The following DGLUCY variants were observed in gnomAD, a reference collection of about 807,000 sequenced individuals.
DGLUCY encodes D-glutamate cyclase, also known as D-glutamate cyclase, mitochondrial.
A neutral mutation model predicts 58.5 loss-of-function variants in DGLUCY; 58 were observed. The ratio of observed to expected loss-of-function variants is 0.99; its 90% CI spans 0.80 to 1.23. The LOEUF (loss-of-function observed/expected upper bound fraction) is 1.23, where lower values mean the gene tolerates loss of function less well. Ranked by LOEUF, DGLUCY falls within the 50% of genes most tolerant of loss-of-function variation. The pLI is 0.00. For synonymous variants in DGLUCY, 325 were observed against 314.1 expected, an observed-to-expected ratio of 1.03 and a Z score of -0.37; for missense variants, 779 against 784.7, an observed-to-expected ratio of 0.99 and a Z score of 0.09.
intron 1 of DGLUCY, among the ~76,000 whole-genome samples, chr14:91,157,293 AGATG>A (rs2047715046): frequency 1.6e-5 from 2 of 126,960 alleles, no homozygotes; most frequent in Admixed American, 7.8e-5. Context: ...GTGGGTGGAT[AGATG>A]GATGGATGAA....
chr14:91,203,215 T>C (rs764588526), intron 11 of DGLUCY, among the ~76,000 whole-genome samples: 16 of 152,248 alleles, frequency 1.1e-4, no homozygotes, highest in Non-Finnish European at 1.8e-4. Flanking sequence ...TTGGGTGTTA[T>C]TCTCCTCATT....
chr14:91,144,971 G>A (rs2046936187), intron 1 of DGLUCY, among the ~76,000 whole-genome samples: 1 of 152,108 alleles, frequency 6.6e-6, no homozygotes, highest in African/African-American at 2.4e-5. Flanking sequence ...GAGTCTGGGA[G>A]TTTTAGTGCA....
intron 12 of DGLUCY, among the ~76,000 whole-genome samples, chr14:91,206,269 A>C (rs1352470769): frequency 6.6e-6 from 1 of 152,184 alleles, no homozygotes; most frequent in Non-Finnish European, 1.5e-5. Context: ...AGTGAAGTTC[A>C]CAGTCCAGGG....
chr14:91,155,082 C>T lies in DGLUCY; in HGVS notation c.-81-2557C>T, dbSNP rs201757427. 2.2e-4 allele frequency among the ~76,000 whole-genome samples: 33 copies of T among 152,330 alleles called. No homozygotes were observed. The East Asian group carries it at 5.6e-3, about 26-fold the overall frequency. ...TTTAGACTCAGCCCCTTCTCCTCCA[C>T]CCTGAGTCCACAGGCCCCGGAGCGC... On this transcript the variant is annotated intron_variant, in intron 1 of 13. Coordinates refer to ENST00000256324, the MANE Select transcript of DGLUCY (RefSeq NM_001102368.3).
chr14:91,192,789 G>A (rs541187421), intron 9 of DGLUCY, among the ~76,000 whole-genome samples: 1 of 152,288 alleles, frequency 6.6e-6, no homozygotes, highest in African/African-American at 2.4e-5. Context: ...GGGTGACAGA[G>A]TAAAACTGTG....
At chr14:91,220,586 T>C (rs996288818) in intron 13 of DGLUCY, 23 of 456,182 alleles carry the variant, frequency 5.0e-5, no homozygotes, top group Non-Finnish European at 7.9e-5. Flanking sequence ...CCATGTGGCG[T>C]CATGTGGGAC....
intron 11 of DGLUCY, among the ~76,000 whole-genome samples, chr14:91,202,518 G>T (rs897554718): frequency 6.6e-6 from 1 of 152,208 alleles, no homozygotes; most frequent in Non-Finnish European, 1.5e-5. Context: ...TTTCCCAGAA[G>T]AGGCTGTGGG....
At chr14:91,079,316 A>G (rs2044085463) in intron 1 of DGLUCY, among the ~76,000 whole-genome samples, 1 of 152,110 alleles carries the variant, frequency 6.6e-6, no homozygotes, top group Non-Finnish European at 1.5e-5. Flanking sequence ...CTACATCAGT[A>G]AAATGTCTTC....
At chr14:91,199,367 C>T (rs1401962081) in intron 10 of DGLUCY, among the ~76,000 whole-genome samples, 4 of 151,788 alleles carry the variant, frequency 2.6e-5, no homozygotes, top group Non-Finnish European at 5.9e-5. Context: ...TCAAGTGATT[C>T]TTCTGCATCA....
Position 91,181,537 on chromosome 14 carries a change from C to CA in DGLUCY, c.934+153dup, listed in dbSNP as rs1434334029. ...AAATGTTGATACTGCATATAAATCT[C>CA]AAAAAGACTAGAATTAAATACACCA... On this transcript the variant is annotated intron_variant, in intron 8 of 13. Coordinates refer to ENST00000256324, the MANE Select transcript of DGLUCY (RefSeq NM_001102368.3). The CA allele has an allele frequency of 5.8e-5, 44 of 755,572 alleles. No homozygotes were observed. The Middle Eastern group carries it at 1.2e-3, about 20-fold the overall frequency. 46.8% of individuals were successfully genotyped at this position (755,572 alleles called of 1,614,324 possible). A position where few individuals can be genotyped will look rare whatever the true frequency, so the allele number is the denominator to read the frequency against.
chr14:91,089,069 G>A (rs993556193), intron 1 of DGLUCY, among the ~76,000 whole-genome samples: 3 of 152,130 alleles, frequency 2.0e-5, no homozygotes, highest in Non-Finnish European at 2.9e-5. Flanking sequence ...TGTCCATTCC[G>A]CACCAGTTGC....
At chr14:91,218,874 T>C (rs1327323415) in intron 13 of DGLUCY, among the ~76,000 whole-genome samples, 1 of 151,738 alleles carries the variant, frequency 6.6e-6, no homozygotes, top group Non-Finnish European at 1.5e-5. Context: ...CAAGATGGAA[T>C]GTGCACAGTA....
At position 91,175,919 on chromosome 14, in the gene DGLUCY, C is replaced by T; in HGVS notation, c.608-15C>T. The T allele has an allele frequency of 1.2e-6, 2 of 1,613,202 alleles. No homozygotes were observed. Among genetic ancestry groups the T allele is most frequent in the East Asian group, 4.5e-5 (2 of 44,814 alleles). ...TCCCTGCTGAGGAAATTACATTTTCCTTTTCCATCTGCAGAACTGTTGGGA... is the reference window on the plus strand; with the variant it reads ...TCCCTGCTGAGGAAATTACATTTTCTTTTTCCATCTGCAGAACTGTTGGGA... On this transcript the variant is annotated splice_polypyrimidine_tract_variant and intron_variant, in intron 6 of 13. Transcript: ENST00000256324.
intron 1 of DGLUCY, among the ~76,000 whole-genome samples, chr14:91,131,106 C>T (rs757600097): frequency 2.7e-4 from 41 of 152,110 alleles, no homozygotes; most frequent in Non-Finnish European, 4.3e-4. Context: ...CGTACTACCA[C>T]GCCCGGCTAA....
At chr14:91,161,382 C>T (rs2047972124) in intron 3 of DGLUCY, among the ~76,000 whole-genome samples, 1 of 152,158 alleles carries the variant, frequency 6.6e-6, no homozygotes, top group Admixed American at 6.6e-5. Flanking sequence ...ACAAAGCACT[C>T]TTAAACTTAG....
At chr14:91,151,658 CTT>C (rs772435841) in intron 1 of DGLUCY, among the ~76,000 whole-genome samples, 18 of 134,018 alleles carry the variant, frequency 1.3e-4, no homozygotes, top group Non-Finnish European at 1.8e-4. Context: ...CTTTTCTTTT[CTT>C]TTTTTTTTTT....
chr14:91,136,781 C>A (rs1025566152), intron 1 of DGLUCY, among the ~76,000 whole-genome samples: 18 of 151,820 alleles, frequency 1.2e-4, no homozygotes, highest in African/African-American at 4.4e-4. Flanking sequence ...CCAGCCTGGC[C>A]AACATGGAGA....
chr14:91,195,410 T>G (rs550658989), intron 9 of DGLUCY, among the ~76,000 whole-genome samples: 1 of 152,292 alleles, frequency 6.6e-6, no homozygotes, highest in South Asian at 2.1e-4. Context: ...TTTTTAAGAA[T>G]CAAATTCACT....
chr14:91,156,694 T>C (rs2047638777), intron 1 of DGLUCY, among the ~76,000 whole-genome samples: 1 of 152,206 alleles, frequency 6.6e-6, no homozygotes. Flanking sequence ...GTTTGTTCTC[T>C]AAAGAGAAAA....
Sources: allele counts gnomAD v4.1 joint callset (sites outside exome capture counted in the v4.1 genomes callset), GRCh38; gene constraint gnomAD v4.1.1; transcripts MANE v1.5; gene names NCBI Gene and HGNC (gene_info 2026-07-23, HGNC 2026-07-21).